Variants in ARHGAP15 observed in about 807,000 individuals in gnomAD.
ARHGAP15 encodes the protein Rho GTPase activating protein 15, also known as rho GTPase-activating protein 15.
Under a neutral mutation model 63.7 loss-of-function variants are expected in ARHGAP15, and 51 were observed. The observed-to-expected ratio is 0.80, with a 90% confidence interval of 0.64 to 1.01. ARHGAP15 has a LOEUF of 1.01. ARHGAP15 is among the 50% of genes least tolerant of loss of function. The pLI is 0.00. For synonymous variants in ARHGAP15, 191 were observed against 193.8 expected, an observed-to-expected ratio of 0.99 and a Z score of 0.12; for missense variants, 560 against 564.6, an observed-to-expected ratio of 0.99 and a Z score of 0.08.
intron 12 of ARHGAP15, among the ~76,000 whole-genome samples, chr2:143,653,440 A>G (rs1237185015): frequency 3.3e-5 from 5 of 152,070 alleles, no homozygotes; most frequent in Admixed American, 2.0e-4. Context: ...TAGAAATTCA[A>G]TTTCTCTAAT....
At chr2:143,181,787 T>C (rs1167994413) in intron 2 of ARHGAP15, among the ~76,000 whole-genome samples, 3 of 152,240 alleles carry the variant, frequency 2.0e-5, no homozygotes, top group Non-Finnish European at 4.4e-5. Flanking sequence ...TTTGTTTTAC[T>C]TTCTTATCAT....
Position 143,413,966 on chromosome 2 carries a change from T to TGTGTGTGTGCGCGCGC in ARHGAP15, c.475-21634_475-21633insTGTGTGTGCGCGCGCG. 1.5e-3 allele frequency among the ~76,000 whole-genome samples: 178 copies of TGTGTGTGTGCGCGCGC among 117,924 alleles called. 1 individual carries two copies. Among genetic ancestry groups the TGTGTGTGTGCGCGCGC allele is most frequent in the African/African-American group, 5.6e-3 (158 of 28,246 alleles). The allele number at this position is 117,924 out of a possible 152,430, so 77.4% of individuals were successfully genotyped here. A position where few individuals can be genotyped will look rare whatever the true frequency, so the allele number is the denominator to read the frequency against. Reference sequence around the variant, plus strand: ...GTGTGTGTGTGTGTGTGTGTGTGTGTGCGCGCTCTCTGGCAGAAAGTTAAT... The same window carrying TGTGTGTGTGCGCGCGC: ...GTGTGTGTGTGTGTGTGTGTGTGTGTGTGTGTGTGCGCGCGCGCGCGCTCTCTGGCAGAAAGTTAAT... On this transcript the variant is annotated intron_variant, in intron 6 of 13. Transcript: ENST00000295095.
chr2:143,589,159 C>T (rs1697225972), intron 11 of ARHGAP15, among the ~76,000 whole-genome samples: 2 of 152,164 alleles, frequency 1.3e-5, no homozygotes, highest in Non-Finnish European at 2.9e-5. Context: ...CTCCTTTCAA[C>T]ATATCATTAG....
At chr2:143,151,687 A>G (rs1005619351) in intron 1 of ARHGAP15, among the ~76,000 whole-genome samples, 1 of 151,968 alleles carries the variant, frequency 6.6e-6, no homozygotes, top group Non-Finnish European at 1.5e-5. Flanking sequence ...TGAAATATGA[A>G]AAGGATTATA....
chr2:143,336,744 T>G (rs1208607179), intron 6 of ARHGAP15, among the ~76,000 whole-genome samples: 1 of 152,160 alleles, frequency 6.6e-6, no homozygotes, highest in African/African-American at 2.4e-5. Flanking sequence ...TTCTTAATAG[T>G]GAGAAGTCAT....
intron 6 of ARHGAP15, among the ~76,000 whole-genome samples, chr2:143,388,724 G>C (rs1687407089): frequency 6.6e-6 from 1 of 152,086 alleles, no homozygotes; most frequent in Non-Finnish European, 1.5e-5. Context: ...CCTTTTAAGA[G>C]TGCTTCTGTA....
At chr2:143,355,294 G>A (rs1478605704) in intron 6 of ARHGAP15, among the ~76,000 whole-genome samples, 1 of 152,100 alleles carries the variant, frequency 6.6e-6, no homozygotes, top group Admixed American at 6.6e-5. Flanking sequence ...AAACTGAAAA[G>A]ACAGCCTAGA....
In ARHGAP15 at chr2:143,226,457, C is replaced by A. The variant is rs556309100; in HGVS notation, c.297-2124C>A. 8.0e-4 allele frequency among the ~76,000 whole-genome samples: 122 copies of A among 152,266 alleles called. 1 individual carries two copies. Among genetic ancestry groups the A allele is most frequent in the Admixed American group, 1.8e-3 (28 of 15,304 alleles). On this transcript the variant is annotated intron_variant, in intron 4 of 13. Transcript: ENST00000295095. Reference sequence around the variant, plus strand: ...GAGGGTGTTCTGTACTCCCTGACCACGTATGGTCAAAATAAGGGTGGTGTT... The same window carrying A: ...GAGGGTGTTCTGTACTCCCTGACCAAGTATGGTCAAAATAAGGGTGGTGTT...
At chr2:143,509,598 A>G (rs1228498547) in intron 9 of ARHGAP15, among the ~76,000 whole-genome samples, 1 of 152,212 alleles carries the variant, frequency 6.6e-6, no homozygotes, top group African/African-American at 2.4e-5. Context: ...CTATAGCACT[A>G]ACAGAAGTCA....
chr2:143,547,037 G>T (rs1574617000), intron 10 of ARHGAP15, among the ~76,000 whole-genome samples: 1 of 152,046 alleles, frequency 6.6e-6, no homozygotes, highest in African/African-American at 2.4e-5. Flanking sequence ...ACTGATGCTA[G>T]GTTCTTTTCT....
chr2:143,413,966 T>TGTGTGTGTGTGC, intron 6 of ARHGAP15, among the ~76,000 whole-genome samples: 4 of 117,916 alleles, frequency 3.4e-5, no homozygotes, highest in South Asian at 3.2e-4. Context: ...TGTGTGTGTG[T>TGTGTGTGTGTGC]GCGCGCTCTC....
At chr2:143,701,117 G>T (rs1684070437) in intron 12 of ARHGAP15, among the ~76,000 whole-genome samples, 1 of 151,914 alleles carries the variant, frequency 6.6e-6, no homozygotes, top group African/African-American at 2.4e-5. Context: ...TTATTTATAG[G>T]CCTTTGTGGT....
At chr2:143,681,973 G>A (rs1683118574) in intron 12 of ARHGAP15, among the ~76,000 whole-genome samples, 1 of 152,202 alleles carries the variant, frequency 6.6e-6, no homozygotes, top group Non-Finnish European at 1.5e-5. Flanking sequence ...GTTGACTGCA[G>A]CTAGTAGAGC....
At chr2:143,280,164 G>A (rs1053238645) in intron 6 of ARHGAP15, among the ~76,000 whole-genome samples, 1 of 152,130 alleles carries the variant, frequency 6.6e-6, no homozygotes, top group Non-Finnish European at 1.5e-5. Flanking sequence ...CATATTTATA[G>A]GCTTTCTTTT....
At chr2:143,668,802 C>T (rs1251868435) in intron 12 of ARHGAP15, among the ~76,000 whole-genome samples, 5 of 152,166 alleles carry the variant, frequency 3.3e-5, no homozygotes, top group Non-Finnish European at 7.4e-5. Flanking sequence ...TCCAATGAAA[C>T]TCTTCAAGAA....
intron 2 of ARHGAP15, among the ~76,000 whole-genome samples, chr2:143,167,612 C>T (rs978978556): frequency 4.6e-5 from 7 of 152,080 alleles, no homozygotes; most frequent in South Asian, 4.1e-4. Flanking sequence ...AAACCTTGTT[C>T]CCCAAGGTCA....
At chr2:143,556,105 C>A (rs1391553384) in intron 10 of ARHGAP15, among the ~76,000 whole-genome samples, 1 of 151,966 alleles carries the variant, frequency 6.6e-6, no homozygotes, top group African/African-American at 2.4e-5. Context: ...AGGTTTCCCC[C>A]CTACCCAGTT....
intron 8 of ARHGAP15, among the ~76,000 whole-genome samples, chr2:143,466,064 T>G (rs1691192670): frequency 2.6e-5 from 4 of 152,128 alleles, no homozygotes; most frequent in Admixed American, 2.6e-4. Context: ...TTTTTTTTTT[T>G]TATTTTCTTT....
At chr2:143,607,685 A>G (rs1698092989) in intron 11 of ARHGAP15, 2 of 152,186 alleles carry the variant, frequency 1.3e-5, no homozygotes, top group African/African-American at 4.8e-5. Context: ...AAAAGTGATC[A>G]TACTCAGCTT....
Sources: allele counts gnomAD v4.1 joint callset (sites outside exome capture counted in the v4.1 genomes callset), GRCh38; gene constraint gnomAD v4.1.1; transcripts MANE v1.5; gene names NCBI Gene and HGNC (gene_info 2026-07-23, HGNC 2026-07-21).